Variants in ITGA11 observed in about 807,000 individuals in gnomAD.
ITGA11 encodes integrin alpha-11.
Under a neutral mutation model 141.9 loss-of-function variants are expected in ITGA11, and 97 were observed. That is an observed-to-expected ratio of 0.68 (90% CI 0.58 to 0.81). The LOEUF is 0.81. Ranked by LOEUF, ITGA11 falls within the 30% of genes least tolerant of loss-of-function variation. The pLI is 0.00. For missense variants in ITGA11, 1,387 were observed against 1,559.2 expected, an observed-to-expected ratio of 0.89 and a Z score of 1.86; for synonymous variants, 658 against 624.6, an observed-to-expected ratio of 1.05 and a Z score of -0.80.
rs964860153 is a variant in ITGA11 at position 68,333,534 on chromosome 15, C to A, written c.1426-1056G>T. Among the ~76,000 whole-genome samples, 1 of 152,134 alleles carries A rather than the reference C, an allele frequency of 6.6e-6. No homozygotes were observed. The highest frequency in any genetic ancestry group is 2.4e-5 in the African/African-American group (1 of 41,418). The stretch of plus-strand genomic sequence containing the variant: ...CCCACTTCAGTGAGGGCAACATCCA[C>A]CCCCTCATCAGAAACCCAGAAACCC... On this transcript the variant is annotated intron_variant, in intron 12 of 29. Transcript: ENST00000315757. This position sits in a 1 kb window ranked among gnomAD's most constrained non-coding sequence, Gnocchi z 4.2.
intron 3 of ITGA11, among the ~76,000 whole-genome samples, chr15:68,367,207 T>G (rs1350403530): frequency 1.3e-5 from 2 of 151,934 alleles, no homozygotes; most frequent in Admixed American, 1.3e-4. Flanking sequence ...TCCTCCTCCC[T>G]CTGGAGAGAA....
chr15:68,361,556 C>A, intron 5 of ITGA11, 34 bp downstream of exon 5: 1 of 1,428,820 alleles, frequency 7.0e-7, no homozygotes, highest in Non-Finnish European at 9.7e-7. Flanking sequence ...CTGTCCACTG[C>A]TCAGCTTGAG....
rs1299643440 is a variant in ITGA11, at chr15:68,357,079, T to C, written c.749+72A>G. ...AGGTACTAAATTTTGTGGTAGTGTG[T>C]TACAAGGCAATAGATAACTACAATA... On this transcript the variant is annotated intron_variant, in intron 7 of 29. Coordinates refer to ENST00000315757, the MANE Select transcript of ITGA11 (RefSeq NM_001004439.2). 2.9e-6 allele frequency: 4 copies of C among 1,399,354 alleles called. No individual in the cohort carries two copies. The African/African-American group carries it at 5.8e-5, about 20-fold the overall frequency. The allele number at this position is 1,399,354 out of a possible 1,614,324, so 86.7% of individuals were successfully genotyped here.
intron 1 of ITGA11, among the ~76,000 whole-genome samples, chr15:68,405,940 A>C (rs1209626208): frequency 6.6e-6 from 1 of 152,194 alleles, no homozygotes; most frequent in African/African-American, 2.4e-5. Context: ...ACACATGCAC[A>C]GGCCACATAC....
At position 68,304,606 on chromosome 15, in the gene ITGA11, G is replaced by A. The variant is rs181549201; in HGVS notation, c.3382-721C>T. The stretch of plus-strand genomic sequence containing the variant: ...CGCCGACTGCTCTCACATTTCTGTC[G>A]TCCGCCTGGATTCTCCGCTGAATTC... On this transcript the variant is annotated intron_variant, in intron 28 of 29. Transcript: ENST00000315757. The surrounding 1 kb of genome is among the most constrained non-coding windows in gnomAD (Gnocchi z 6.1). Among the ~76,000 whole-genome samples, 38 of 152,242 alleles carry A rather than the reference G, an allele frequency of 2.5e-4. No individual in the cohort carries two copies. Among genetic ancestry groups the A allele is most frequent in the Non-Finnish European group, 4.1e-4 (28 of 68,024 alleles).
chr15:68,424,953 T>A (rs1897107116), intron 1 of ITGA11, among the ~76,000 whole-genome samples: 2 of 152,246 alleles, frequency 1.3e-5, no homozygotes. Context: ...CAGACACCCC[T>A]GCCCTCTGTG....
At chr15:68,413,151 C>T (rs915751031) in intron 1 of ITGA11, among the ~76,000 whole-genome samples, 2 of 152,136 alleles carry the variant, frequency 1.3e-5, no homozygotes, top group Non-Finnish European at 2.9e-5. Context: ...GAATTTCCCA[C>T]CCTCAGTAGC....
At chr15:68,370,892 T>G (rs1385682224) in intron 2 of ITGA11, among the ~76,000 whole-genome samples, 1 of 152,172 alleles carries the variant, frequency 6.6e-6, no homozygotes. Context: ...TGCATGGCAC[T>G]TAAGTGGCTT....
chr15:68,394,504 A>G (rs935218439), intron 2 of ITGA11, among the ~76,000 whole-genome samples: 6 of 152,086 alleles, frequency 3.9e-5, no homozygotes, highest in African/African-American at 1.4e-4. Context: ...AGAAAAGAAA[A>G]AGGGTCAGAA....
intron 1 of ITGA11, among the ~76,000 whole-genome samples, chr15:68,423,480 T>C (rs968214137): frequency 6.6e-6 from 1 of 152,166 alleles, no homozygotes; most frequent in Non-Finnish European, 1.5e-5. Context: ...CTCAGTCTCA[T>C]TGGGGCTGCT....
chr15:68,314,391 C>A (rs1893498064), intron 22 of ITGA11, among the ~76,000 whole-genome samples: 1 of 152,194 alleles, frequency 6.6e-6, no homozygotes, highest in Admixed American at 6.5e-5. Flanking sequence ...TCAGAGACAT[C>A]TTCCGGGGGG....
At chr15:68,409,217 G>C (rs1356561949) in intron 1 of ITGA11, among the ~76,000 whole-genome samples, 1 of 152,056 alleles carries the variant, frequency 6.6e-6, no homozygotes, top group South Asian at 2.1e-4. Context: ...CCTTCCTCTG[G>C]GGCCTTCAGC....
chr15:68,399,272 TATC>T (rs912652182), intron 2 of ITGA11, among the ~76,000 whole-genome samples: 17 of 152,128 alleles, frequency 1.1e-4, no homozygotes, highest in African/African-American at 4.1e-4. Context: ...CACAGTGAGC[TATC>T]ATCTCACACC....
intron 1 of ITGA11, among the ~76,000 whole-genome samples, chr15:68,416,784 C>T (rs1365017683): frequency 6.6e-6 from 1 of 152,076 alleles, no homozygotes; most frequent in Admixed American, 6.6e-5. Context: ...GGCCTAGTGG[C>T]AGGCATCTGT....
At chr15:68,390,325 G>A (rs780258684) in intron 2 of ITGA11, among the ~76,000 whole-genome samples, 2 of 152,248 alleles carry the variant, frequency 1.3e-5, no homozygotes, top group African/African-American at 4.8e-5. Context: ...GGAGGCTTAC[G>A]GCTGGTAAAC....
rs992107558 is a variant in ITGA11 at position 68,326,883 on chromosome 15, T to C, written c.2069-87A>G. 2 of 1,423,236 alleles carry C rather than the reference T, an allele frequency of 1.4e-6. No individual in the cohort carries two copies. The highest frequency in any genetic ancestry group is 2.3e-5 in the Admixed American group (1 of 43,292). The allele number at this position is 1,423,236 out of a possible 1,614,324, so 88.2% of individuals were successfully genotyped here. A position where few individuals can be genotyped will look rare whatever the true frequency, so the allele number is the denominator to read the frequency against. On this transcript the variant is annotated intron_variant, in intron 16 of 29. Transcript: ENST00000315757. This position sits in a 1 kb window ranked among gnomAD's most constrained non-coding sequence, Gnocchi z 6.8. ...GCCTCCTCCAGGAAGCCCCCCAGGC[T>C]GGCCAGGGGAGAGCTGTTCCTTTCC...
chr15:68,315,133 G>C (rs1244975137), intron 22 of ITGA11, among the ~76,000 whole-genome samples: 4 of 152,130 alleles, frequency 2.6e-5, no homozygotes, highest in East Asian at 3.9e-4. Context: ...AAAGGGGAGA[G>C]AGGTGACTAG....
At chr15:68,367,113 A>G (rs898574) in intron 3 of ITGA11, among the ~76,000 whole-genome samples, 140,832 of 151,980 alleles carry the variant, frequency 0.93, 65,622 homozygotes, top group East Asian at 0.98. Flanking sequence ...ATTTTCCTCC[A>G]TCCCAACTCA....
rs148867034 is a variant in ITGA11, at chr15:68,427,012, CAAAAAAAAAAAAA to C, written c.52+4990_52+5002del. Reference sequence around the variant, plus strand: ...CCTGGGCGACAGAGCAAGACTGTCTCAAAAAAAAAAAAAAAAAAAAAAAAAAAAAGGCAGTGGC... The same window carrying C: ...CCTGGGCGACAGAGCAAGACTGTCTCAAAAAAAAAAAAAAAAGGCAGTGGC... On this transcript the variant is annotated intron_variant, in intron 1 of 29. Coordinates refer to ENST00000315757, the MANE Select transcript of ITGA11 (RefSeq NM_001004439.2). Among the ~76,000 whole-genome samples, 11 of 47,784 alleles carry C rather than the reference CAAAAAAAAAAAAA, an allele frequency of 2.3e-4. No homozygotes were observed. The Admixed American group carries it at 2.8e-3, about 12-fold the overall frequency. 31.3% of individuals were successfully genotyped at this position (47,784 alleles called of 152,430 possible).
Sources: gnomAD v4.1 joint callset for allele counts (sites outside exome capture counted in the v4.1 genomes callset) on GRCh38, gnomAD v4.1.1 for gene constraint, Gnocchi (gnomAD v3.1) non-coding constraint, MANE v1.5 for transcripts, NCBI Gene and HGNC (gene_info 2026-07-23, HGNC 2026-07-21) for gene names.